The following CCDC192 variants were observed in gnomAD, a reference collection of about 807,000 sequenced individuals.
The protein encoded by CCDC192 is coiled-coil domain containing 192.
chr5:127,859,422 C>A (rs1751261451), intron 5 of CCDC192, among the ~76,000 whole-genome samples: 1 of 152,130 alleles, frequency 6.6e-6, no homozygotes, highest in Non-Finnish European at 1.5e-5. Context: ...TTCTAGGATT[C>A]TGGAATCTGG....
At chr5:127,858,962 AT>A (rs1751237445) in intron 5 of CCDC192, among the ~76,000 whole-genome samples, 2 of 152,208 alleles carry the variant, frequency 1.3e-5, no homozygotes, top group Non-Finnish European at 2.9e-5. Context: ...TCACATAAAA[AT>A]TGTGTTGAGT....
At position 127,716,834 on chromosome 5, in the gene CCDC192, A is replaced by G. The variant is rs76453263; in HGVS notation, c.114+9074A>G. Among the ~76,000 whole-genome samples the G allele has an allele frequency of 8.9e-3, 1,350 of 152,188 alleles. 22 individuals are homozygous for G. Among genetic ancestry groups the G allele is most frequent in the African/African-American group, 0.03 (1,260 of 41,516 alleles). ...TTTTGAAGGGCTATCCCAGCTCCAT[A>G]TCTCCCCTTGGAATTGGCTGAAGCC... is the stretch of plus-strand genomic sequence containing the variant. On this transcript the variant is annotated intron_variant, in intron 2 of 6. Coordinates refer to ENST00000514853, the MANE Select transcript of CCDC192 (RefSeq NM_001317938.2).
At chr5:127,724,079 C>A (rs1184349874) in intron 2 of CCDC192, among the ~76,000 whole-genome samples, 9 of 152,128 alleles carry the variant, frequency 5.9e-5, no homozygotes, top group Admixed American at 2.0e-4. Context: ...AGAAAGATGA[C>A]AAGATAATTT....
At chr5:127,936,537 A>G (rs567439087) in intron 6 of CCDC192, among the ~76,000 whole-genome samples, 1 of 152,180 alleles carries the variant, frequency 6.6e-6, no homozygotes, top group Non-Finnish European at 1.5e-5. Flanking sequence ...CGAGAACTGT[A>G]CACCATCATT....
At chr5:127,934,613 C>G (rs953671739) in intron 6 of CCDC192, among the ~76,000 whole-genome samples, 2 of 152,090 alleles carry the variant, frequency 1.3e-5, no homozygotes, top group African/African-American at 4.8e-5. Context: ...AGACATAGGA[C>G]TAATTTGATT....
intron 5 of CCDC192, among the ~76,000 whole-genome samples, chr5:127,821,621 G>A (rs1749296124): frequency 6.6e-6 from 1 of 152,208 alleles, no homozygotes; most frequent in African/African-American, 2.4e-5. Flanking sequence ...GCATCCTGCA[G>A]GAAGTCTTAA....
chr5:127,843,371 A>T (rs140308333), intron 5 of CCDC192, among the ~76,000 whole-genome samples: 1 of 150,484 alleles, frequency 6.6e-6, no homozygotes, highest in African/African-American at 2.4e-5. Flanking sequence ...AGTGACTTCA[A>T]TTTTTTGCCA....
chr5:127,757,881 C>T (rs1301083251), intron 3 of CCDC192, among the ~76,000 whole-genome samples: 4 of 150,832 alleles, frequency 2.7e-5, no homozygotes, highest in Non-Finnish European at 4.4e-5. Flanking sequence ...CTGCTGTACA[C>T]GTTAAGGCTT....
chr5:127,732,408 G>A (rs543903685), intron 2 of CCDC192, among the ~76,000 whole-genome samples: 1 of 152,198 alleles, frequency 6.6e-6, no homozygotes, highest in African/African-American at 2.4e-5. Flanking sequence ...ATGTAAATTA[G>A]TTCAACCATT....
At chr5:127,845,256 G>C (rs897510858) in intron 5 of CCDC192, among the ~76,000 whole-genome samples, 2 of 152,148 alleles carry the variant, frequency 1.3e-5, no homozygotes, top group African/African-American at 4.8e-5. Flanking sequence ...GGAGTGAGTT[G>C]GGATGCTGCT....
At chr5:127,774,007 C>T (rs747504549) in intron 3 of CCDC192, among the ~76,000 whole-genome samples, 6 of 152,138 alleles carry the variant, frequency 3.9e-5, no homozygotes, top group Non-Finnish European at 7.4e-5. Flanking sequence ...ACTACCTTAA[C>T]GACTAATGAT....
At position 127,753,095 on chromosome 5, in the gene CCDC192, T is replaced by C. The variant is rs560346230; in HGVS notation, c.115-1173T>C. ...CTTCTGCGTCGCTCAGGCTGGGAGC[T>C]GTGGACCGGAGCTGTTCCTATTCGG... On this transcript the variant is annotated intron_variant, in intron 2 of 6. Transcript: ENST00000514853. 2.6e-5 allele frequency among the ~76,000 whole-genome samples: 4 copies of C among 152,284 alleles called. No homozygotes were observed. In the East Asian group the frequency reaches 7.7e-4, roughly 29 times the overall value.
In CCDC192 at chr5:127,940,944, T is replaced by C. The variant is rs553082107; in HGVS notation, c.536-238T>C. 4 of 354,296 alleles carry C rather than the reference T, an allele frequency of 1.1e-5. No individual in the cohort carries two copies. The South Asian group carries it at 6.0e-4, about 53-fold the overall frequency. The allele number at this position is 354,296 out of a possible 1,614,324, so 21.9% of individuals were successfully genotyped here. ...CATATAAACAAGAGTTGGCAAGGGC[T>C]GATGCTGTACACTCTCAAGAGGCTC... On this transcript the variant is annotated intron_variant, in intron 6 of 6. Transcript: ENST00000514853.
At chr5:127,800,706 G>T (rs1176162793) in intron 5 of CCDC192, among the ~76,000 whole-genome samples, 1 of 151,934 alleles carries the variant, frequency 6.6e-6, no homozygotes, top group Non-Finnish European at 1.5e-5. Flanking sequence ...TTCTCTATTC[G>T]TATCCCCCAG....
rs574152719 is a variant in CCDC192 at position 127,764,214 on chromosome 5, A to G, written c.222+9839A>G. ...ATTCTGATCTGTGCTCAAGAGAGAA[A>G]ACAGTGAGGGACTGAGAAGGACAGA... On this transcript the variant is annotated intron_variant, in intron 3 of 6. Coordinates refer to ENST00000514853, the MANE Select transcript of CCDC192 (RefSeq NM_001317938.2). Among the ~76,000 whole-genome samples, 121 of 152,334 alleles carry G rather than the reference A, an allele frequency of 7.9e-4. 1 individual carries two copies. The highest frequency in any genetic ancestry group is 2.7e-3 in the African/African-American group (114 of 41,568).
At chr5:127,708,905 G>A (rs543332612) in intron 2 of CCDC192, among the ~76,000 whole-genome samples, 1 of 152,146 alleles carries the variant, frequency 6.6e-6, no homozygotes, top group South Asian at 2.1e-4. Flanking sequence ...ACTAGGTGTA[G>A]TAGTTCGTTC....
intron 5 of CCDC192, among the ~76,000 whole-genome samples, chr5:127,871,480 T>C (rs956277518): frequency 6.6e-6 from 1 of 152,192 alleles, no homozygotes; most frequent in African/African-American, 2.4e-5. Flanking sequence ...ATTTCTCTTA[T>C]GTGTTTTAAG....
chr5:127,887,866 AC>A (rs1196392880), intron 6 of CCDC192, among the ~76,000 whole-genome samples: 4 of 151,438 alleles, frequency 2.6e-5, no homozygotes, highest in African/African-American at 9.7e-5. Flanking sequence ...ACCATGCCCG[AC>A]TAATTTTTTG....
intron 3 of CCDC192, among the ~76,000 whole-genome samples, chr5:127,767,307 A>G (rs1203044708): frequency 6.6e-6 from 1 of 152,208 alleles, no homozygotes; most frequent in African/African-American, 2.4e-5. Context: ...CTGAAGATAT[A>G]TAGGGTTCCC....
Sources: gnomAD v4.1 joint callset for allele counts (sites outside exome capture counted in the v4.1 genomes callset) on GRCh38, gnomAD v4.1.1 for gene constraint, MANE v1.5 for transcripts, NCBI Gene and HGNC (gene_info 2026-07-23, HGNC 2026-07-21) for gene names.